UST: variants seen among roughly 807,000 people sequenced by gnomAD.
The protein encoded by UST is chondroitin sulfate 2-O-sulfotransferase.
UST carries 21 observed loss-of-function variants against 45.6 expected under a neutral mutation model. The observed-to-expected ratio is 0.46, with a 90% CI of 0.33 to 0.66. UST has a LOEUF of 0.66. UST is among the 30% of genes least tolerant of loss of function. The pLI is 0.02. For synonymous variants in UST, 215 were observed against 200.6 expected, an observed-to-expected ratio of 1.07 and a Z score of -0.61; for missense variants, 463 against 512.4, an observed-to-expected ratio of 0.90 and a Z score of 0.93.
chr6:149,045,336 T>A (rs756743303), intron 7 of UST, among the ~76,000 whole-genome samples: 2 of 152,214 alleles, frequency 1.3e-5, no homozygotes, highest in Non-Finnish European at 2.9e-5. Context: ...CATTTTTACT[T>A]AAGATGCAAT....
At chr6:149,057,470 G>C (rs1000793720) in intron 7 of UST, among the ~76,000 whole-genome samples, 4 of 152,138 alleles carry the variant, frequency 2.6e-5, no homozygotes, top group Non-Finnish European at 4.4e-5. Context: ...TCTTAGAGTT[G>C]GCAGAATTGA....
At chr6:148,844,167 T>A (rs1003226699) in intron 1 of UST, among the ~76,000 whole-genome samples, 1 of 152,238 alleles carries the variant, frequency 6.6e-6, no homozygotes, top group Admixed American at 6.5e-5. Context: ...GTCACTTTTT[T>A]AAAAGCAAGA....
chr6:148,886,561 CGG>C (rs1778915704), intron 1 of UST, among the ~76,000 whole-genome samples: 1 of 152,084 alleles, frequency 6.6e-6, no homozygotes, highest in Admixed American at 6.6e-5. Flanking sequence ...GGTTCAGGAC[CGG>C]CAGCATCAGT....
In UST at chr6:149,073,920, G is replaced by A. The variant is rs1281591624; in HGVS notation, c.1025G>A (p.Arg342Lys). The A allele has an allele frequency of 1.2e-6, 2 of 1,614,172 alleles. No individual in the cohort carries two copies. The highest frequency in any genetic ancestry group is 1.1e-5 in the South Asian group (1 of 91,078). ...GTGCAGATCCTCTACCAGCGGATGA[G>A]ATACGAGTACGAGTTTTACCACTAC... is the stretch of plus-strand genomic sequence containing the variant. ...EAVQILYQRMRYEYEFYHYVK... is the reference protein window; with the variant it reads ...EAVQILYQRMKYEYEFYHYVK... The change falls in exon 8 of 8, where the codon AGA becomes AAA. Residue 342 changes from arginine to lysine, a missense_variant. Physicochemically the swap from Arg to Lys is conservative, Grantham distance 26. This residue lies in a region of UST where 287 missense variants were observed against 374.2 expected (regional missense o/e 0.77). Coordinates refer to ENST00000367463, the MANE Select transcript of UST (RefSeq NM_005715.3).
At chr6:149,004,169 G>A (rs953839882) in intron 5 of UST, among the ~76,000 whole-genome samples, 13 of 152,080 alleles carry the variant, frequency 8.5e-5, no homozygotes, top group African/African-American at 1.9e-4. Context: ...TTGTACACAC[G>A]AAAAACCTAC....
intron 2 of UST, among the ~76,000 whole-genome samples, chr6:148,931,946 G>A (rs901587922): frequency 1.3e-5 from 2 of 152,224 alleles, no homozygotes; most frequent in Admixed American, 6.5e-5. Context: ...CTTCAGGAAG[G>A]TTTAGCCTCG....
At chr6:148,886,789 A>T (rs1310241356) in intron 1 of UST, among the ~76,000 whole-genome samples, 197 bp from the exon 2 acceptor site, 2 of 152,238 alleles carry the variant, frequency 1.3e-5, no homozygotes, top group Non-Finnish European at 2.9e-5. Flanking sequence ...GAATGTTTGT[A>T]ACAGCTGAAA....
chr6:148,774,508 G>T (rs918194560), intron 1 of UST, among the ~76,000 whole-genome samples: 2 of 152,002 alleles, frequency 1.3e-5, no homozygotes, highest in Non-Finnish European at 2.9e-5. Context: ...AAGCATTATG[G>T]TCACAAGAAT....
intron 3 of UST, among the ~76,000 whole-genome samples, chr6:148,942,543 C>T (rs185023289): frequency 2.6e-5 from 4 of 151,996 alleles, no homozygotes; most frequent in Admixed American, 6.5e-5. Flanking sequence ...GGAGACAGAG[C>T]GAGACTTTGT....
At chr6:148,968,414 A>G (rs916635258) in intron 5 of UST, among the ~76,000 whole-genome samples, 3 of 152,242 alleles carry the variant, frequency 2.0e-5, no homozygotes, top group Non-Finnish European at 2.9e-5. Context: ...CATACTGTGA[A>G]AAGGCAGTTG....
At chr6:148,899,122 T>C (rs1472041905) in intron 2 of UST, among the ~76,000 whole-genome samples, 4 of 105,720 alleles carry the variant, frequency 3.8e-5, no homozygotes, top group Admixed American at 2.8e-4. Context: ...TTTTTTGAGA[T>C]GGAGTCTCGC....
At chr6:149,006,777 TAA>T (rs1463655790) in intron 5 of UST, among the ~76,000 whole-genome samples, 3 of 152,228 alleles carry the variant, frequency 2.0e-5, no homozygotes, top group Non-Finnish European at 2.9e-5. Flanking sequence ...GACTTTTTAA[TAA>T]TCGCCATTCT....
At chr6:148,961,502 A>T (rs1780657275) in intron 4 of UST, among the ~76,000 whole-genome samples, 1 of 152,264 alleles carries the variant, frequency 6.6e-6, no homozygotes, top group Non-Finnish European at 1.5e-5. Flanking sequence ...TGTTTGAAAG[A>T]AACAACAAAA....
chr6:148,780,485 G>A (rs1413651384), intron 1 of UST, among the ~76,000 whole-genome samples: 2 of 152,044 alleles, frequency 1.3e-5, no homozygotes, highest in African/African-American at 4.8e-5. Context: ...TCCCCTCTTT[G>A]TGTCCATGTG....
At chr6:149,072,036 G>A (rs1265760387) in intron 7 of UST, among the ~76,000 whole-genome samples, 1 of 144,292 alleles carries the variant, frequency 6.9e-6, no homozygotes, top group African/African-American at 2.4e-5. Flanking sequence ...ATTTTAAAAA[G>A]GGAGGAAAAT....
At chr6:149,067,853 C>G (rs547463258) in intron 7 of UST, among the ~76,000 whole-genome samples, 1 of 152,256 alleles carries the variant, frequency 6.6e-6, no homozygotes, top group South Asian at 2.1e-4. Flanking sequence ...ATGGTAAATA[C>G]TAGGTCAATT....
At chr6:148,825,246 G>A (rs2114750077) in intron 1 of UST, among the ~76,000 whole-genome samples, 1 of 152,284 alleles carries the variant, frequency 6.6e-6, no homozygotes, top group Non-Finnish European at 1.5e-5. Context: ...CTGATGATAG[G>A]CCAGCACATT....
intron 7 of UST, among the ~76,000 whole-genome samples, chr6:149,064,575 G>A (rs1481793518): frequency 6.6e-6 from 1 of 152,200 alleles, no homozygotes; most frequent in Non-Finnish European, 1.5e-5. Flanking sequence ...AGGGAAGGAA[G>A]ATGATATTGG....
At chr6:148,808,585 C>T (rs1269639244) in intron 1 of UST, among the ~76,000 whole-genome samples, 1 of 151,884 alleles carries the variant, frequency 6.6e-6, no homozygotes, top group East Asian at 2.0e-4. Context: ...GGTTTCTGTC[C>T]CTCCCCAGCA....
Sources: gnomAD v4.1 joint callset for allele counts (sites outside exome capture counted in the v4.1 genomes callset) on GRCh38, gnomAD v4.1.1 for gene constraint, gnomAD v4.1.1 regional missense constraint, MANE v1.5 for transcripts, NCBI Gene and HGNC (gene_info 2026-07-23, HGNC 2026-07-21) for gene names.